Variants in OPA3 observed in about 807,000 individuals in gnomAD.
The protein encoded by OPA3 is optic atrophy 3 protein.
A neutral mutation model predicts 4.0 loss-of-function variants in OPA3; 6 were observed. The observed-to-expected ratio is 1.51, with a 90% CI of 0.83 to 2.99. The LOEUF (loss-of-function observed/expected upper bound fraction) is 2.99, where lower values mean the gene tolerates loss of function less well. OPA3 is among the 30% of genes most tolerant of loss of function. The pLI is 0.00. For synonymous variants in OPA3, 105 were observed against 117.1 expected (o/e 0.90, Z 0.67); for missense variants, 235 against 256.2 (o/e 0.92, Z 0.56).
chr19:45,575,541 A>G (rs1408789693), intron 1 of OPA3, among the ~76,000 whole-genome samples: 2 of 152,180 alleles, frequency 1.3e-5, no homozygotes, highest in East Asian at 1.9e-4. Context: ...ATGAATGATC[A>G]TGGTGTATCT....
intron 1 of OPA3, among the ~76,000 whole-genome samples, chr19:45,572,272 AT>A (rs1969679089): frequency 7.5e-6 from 1 of 132,596 alleles, no homozygotes; most frequent in Non-Finnish European, 1.7e-5. Flanking sequence ...ATAAAAATAT[AT>A]ATAGTATATA....
chr19:45,578,919 A>G (rs1969806845), intron 1 of OPA3, among the ~76,000 whole-genome samples: 1 of 152,224 alleles, frequency 6.6e-6, no homozygotes, highest in South Asian at 2.1e-4. Context: ...CTCAGAGTAA[A>G]GCCAAGGCAT....
intron 1 of OPA3, among the ~76,000 whole-genome samples, chr19:45,572,560 G>GAT (rs958009106): frequency 1.0e-5 from 1 of 99,142 alleles, no homozygotes; most frequent in Admixed American, 1.1e-4. Flanking sequence ...ATCATATATG[G>GAT]ATATATATCA....
At chr19:45,581,887 C>T (rs1168442339) in intron 1 of OPA3, among the ~76,000 whole-genome samples, 2 of 152,150 alleles carry the variant, frequency 1.3e-5, no homozygotes, top group African/African-American at 4.8e-5. Context: ...CAACCTCTAC[C>T]TCCTAGGTTC....
At chr19:45,584,044 T>G (rs905143306) in intron 1 of OPA3, among the ~76,000 whole-genome samples, 100 of 152,340 alleles carry the variant, frequency 6.6e-4, no homozygotes, top group Admixed American at 2.4e-3. Context: ...ATGTCCTCTC[T>G]GGCTCAAAGT....
In OPA3 at chr19:45,551,743, C is replaced by A; in HGVS notation, c.*1771G>T. 1.0e-6 allele frequency: 1 copy of A among 985,484 alleles called. No homozygotes were observed. The highest frequency in any genetic ancestry group is 1.2e-6 in the Non-Finnish European group (1 of 830,022). 61.0% of individuals were successfully genotyped at this position (985,484 alleles called of 1,614,324 possible). A position where few individuals can be genotyped will look rare whatever the true frequency, so the allele number is the denominator to read the frequency against. On this transcript the variant is annotated 3_prime_UTR_variant, in exon 2 of 2. Coordinates refer to ENST00000263275, the MANE Select transcript of OPA3 (RefSeq NM_025136.4). ...CCTAATTGGTAGGATGGGGGTGGGA[C>A]CGGGGGCTATGGAGGCAGGAGGGTA...
chr19:45,570,087 G>A (rs967207967), intron 1 of OPA3, among the ~76,000 whole-genome samples: 6 of 152,160 alleles, frequency 3.9e-5, no homozygotes, highest in Non-Finnish European at 7.3e-5. Flanking sequence ...TGACACGGGC[G>A]CCCTCTCCTG....
intron 1 of OPA3, among the ~76,000 whole-genome samples, chr19:45,583,017 C>T (rs1197944405): frequency 6.6e-6 from 1 of 152,190 alleles, no homozygotes; most frequent in Non-Finnish European, 1.5e-5. Flanking sequence ...AGGTTAGAAG[C>T]AAGATGGAGT....
chr19:45,553,578 A>C lies in OPA3; in HGVS notation c.476T>G (p.Val159Gly). 6.2e-7 allele frequency: 1 copy of C among 1,612,790 alleles called. No individual in the cohort carries two copies. Among genetic ancestry groups the C allele is most frequent in the Non-Finnish European group, 8.5e-7 (1 of 1,179,904 alleles). ...LEELRTELQE[V>G]RAQLCNPGRS... ...GCCGGGATTGCAGAGCTGGGCGCGC[A>C]CCTCTTGCAGCTCTGTGCGCAGTTC... The change falls in exon 2 of 2, where the codon GTG becomes GGG. Residue 159 changes from valine (V) to glycine (G), a missense_variant. Coordinates refer to ENST00000263275, the MANE Select transcript of OPA3 (RefSeq NM_025136.4).
In OPA3 at chr19:45,550,155, C is replaced by T. The variant is rs1599959580; in HGVS notation, c.*3359G>A. ...CAGGGTGACGGAGCTAGACTGTCTC[C>T]GAAAGAAAAGAAAAGAAAAAAGAAG... is the stretch of plus-strand genomic sequence containing the variant. On this transcript the variant is annotated 3_prime_UTR_variant, in exon 2 of 2. Coordinates refer to ENST00000263275, the MANE Select transcript of OPA3 (RefSeq NM_025136.4). The T allele has an allele frequency of 2.1e-6, 2 of 965,514 alleles. No individual in the cohort carries two copies. The highest frequency in any genetic ancestry group is 3.5e-5 in the African/African-American group (2 of 56,618). 59.8% of individuals were successfully genotyped at this position (965,514 alleles called of 1,614,324 possible). A position where few individuals can be genotyped will look rare whatever the true frequency, so the allele number is the denominator to read the frequency against.
chr19:45,562,419 G>A lies in OPA3; in HGVS notation c.143-8508C>T, dbSNP rs571929620. On this transcript the variant is annotated intron_variant, in intron 1 of 1. Transcript: ENST00000263275. Reference sequence around the variant, plus strand: ...TTAAGAAACATGATAGGCCGGGGGCGGTGGCTCACACCTGAAATCCCAGCA... The same window carrying A: ...TTAAGAAACATGATAGGCCGGGGGCAGTGGCTCACACCTGAAATCCCAGCA... Among the ~76,000 whole-genome samples the A allele has an allele frequency of 5.9e-5, 9 of 151,650 alleles. No homozygotes were observed. In the East Asian group the frequency reaches 9.7e-4, roughly 16 times the overall value.
chr19:45,549,744 T>C lies in OPA3; in HGVS notation c.*3770A>G. ...ATCAGTCCACCTTGGCCTCTCAAAG[T>C]GCTGGGATGACAGGCGTGAGCTGGC... On this transcript the variant is annotated 3_prime_UTR_variant, in exon 2 of 2. Transcript: ENST00000263275. The C allele has an allele frequency of 2.0e-6, 2 of 985,016 alleles. No homozygotes were observed. Among genetic ancestry groups the C allele is most frequent in the Non-Finnish European group, 2.4e-6 (2 of 829,636 alleles). 61.0% of individuals were successfully genotyped at this position (985,016 alleles called of 1,614,324 possible). A position where few individuals can be genotyped will look rare whatever the true frequency, so the allele number is the denominator to read the frequency against.
intron 1 of OPA3, among the ~76,000 whole-genome samples, chr19:45,561,796 C>G (rs1452669637): frequency 6.6e-6 from 1 of 151,822 alleles, no homozygotes; most frequent in Non-Finnish European, 1.5e-5. Context: ...CAAAAATTAG[C>G]TGGGCGTGGT....
chr19:45,558,468 G>T (rs1045184918), intron 1 of OPA3, among the ~76,000 whole-genome samples: 1 of 152,130 alleles, frequency 6.6e-6, no homozygotes, highest in Non-Finnish European at 1.5e-5. Context: ...CCTCCTCAGA[G>T]GAACCCTCAA....
In OPA3 at chr19:45,549,557, T is replaced by C; in HGVS notation, c.*3957A>G. The C allele has an allele frequency of 1.1e-6, 1 of 905,544 alleles. No homozygotes were observed. Among genetic ancestry groups the C allele is most frequent in the East Asian group, 1.2e-4 (1 of 8,360 alleles). 56.1% of individuals were successfully genotyped at this position (905,544 alleles called of 1,614,324 possible). A position where few individuals can be genotyped will look rare whatever the true frequency, so the allele number is the denominator to read the frequency against. On this transcript the variant is annotated 3_prime_UTR_variant, in exon 2 of 2. Coordinates refer to ENST00000263275, the MANE Select transcript of OPA3 (RefSeq NM_025136.4). ...GTGCAGTGGCGCGATCTCAGCTCAC[T>C]GCAACCTCCACCTCCTGGGTTCAAG... is the stretch of plus-strand genomic sequence containing the variant.
At chr19:45,581,453 T>G (rs1969854412) in intron 1 of OPA3, among the ~76,000 whole-genome samples, 1 of 152,192 alleles carries the variant, frequency 6.6e-6, no homozygotes, top group African/African-American at 2.4e-5. Context: ...AAGCCCTCCC[T>G]GAACCCCATG....
intron 1 of OPA3, among the ~76,000 whole-genome samples, chr19:45,562,693 AT>A (rs1258105208): frequency 1.3e-5 from 2 of 152,208 alleles, no homozygotes; most frequent in African/African-American, 4.8e-5. Context: ...CTCAAAAAAA[AT>A]ATAAATAAAT....
At chr19:45,529,066 G>A (rs773719228) in exon 2 of OPA3, 3 of 1,599,628 alleles carry the variant, frequency 1.9e-6, no homozygotes, top group South Asian at 2.2e-5. Context: ...CTATTTCTCG[G>A]ACGCCGGCGC....
intron 1 of OPA3, 39 bp downstream of exon 1, chr19:45,584,584 G>A: frequency 6.2e-7 from 1 of 1,614,086 alleles, no homozygotes; most frequent in South Asian, 1.1e-5. Context: ...AGGGGTTGGA[G>A]AAAGGAAAAA....
Sources: gnomAD v4.1 joint callset for allele counts (sites outside exome capture counted in the v4.1 genomes callset) on GRCh38, gnomAD v4.1.1 for gene constraint, MANE v1.5 for transcripts, NCBI Gene and HGNC (gene_info 2026-07-23, HGNC 2026-07-21) for gene names.